Variants in C15orf40 observed in about 807,000 individuals in gnomAD.
C15orf40 encodes chromosome 15 open reading frame 40.
A neutral mutation model predicts 13.9 loss-of-function variants in C15orf40; 9 were observed. The observed-to-expected ratio is 0.65, with a 90% CI of 0.39 to 1.13. The LOEUF (loss-of-function observed/expected upper bound fraction) is 1.13. Among genes scored for constraint, C15orf40 ranks in the 50% most tolerant of loss-of-function variants. The probability of loss-of-function intolerance (pLI) is 0.01; values close to 1 mark genes in which losing one functional copy is unlikely to be tolerated. For missense variants in C15orf40, 225 were observed against 188.5 expected, an observed-to-expected ratio of 1.19 and a Z score of -1.13; for synonymous variants, 95 against 69.2, an observed-to-expected ratio of 1.37 and a Z score of -1.85.
chr15:83,001,285 T>C lies in C15orf40; in HGVS notation c.*4312A>G. ...TCCCAGGATCTGTCGAAGTACAGCA[T>C]AGGCAAACCACCTAGCAGTGTCTGT... On this transcript the variant is annotated 3_prime_UTR_variant, in exon 4 of 4. Transcript: ENST00000304177. 1.0e-6 allele frequency: 1 copy of C among 985,496 alleles called. No individual in the cohort carries two copies. Among genetic ancestry groups the C allele is most frequent in the Non-Finnish European group, 1.2e-6 (1 of 829,944 alleles). The allele number at this position is 985,496 out of a possible 1,614,324, so 61.0% of individuals were successfully genotyped here. A position where few individuals can be genotyped will look rare whatever the true frequency, so the allele number is the denominator to read the frequency against.
rs1364619583 is a variant in C15orf40 at position 82,999,699 on chromosome 15, C to T, written c.*5898G>A. The T allele has an allele frequency of 6.6e-6, 1 of 152,134 alleles. No individual in the cohort carries two copies. The highest frequency in any genetic ancestry group is 1.5e-5 in the Non-Finnish European group (1 of 68,042). 9.4% of individuals were successfully genotyped at this position (152,134 alleles called of 1,614,324 possible). On this transcript the variant is annotated 3_prime_UTR_variant, in exon 4 of 4. Coordinates refer to ENST00000304177, the MANE Select transcript of C15orf40 (RefSeq NM_144597.3). ...TAGGCATCTCTGGGGAAACCTAAGGCTTTGAAACAGTTTGAACGTCACTGC... is the reference window on the plus strand; with the variant it reads ...TAGGCATCTCTGGGGAAACCTAAGGTTTTGAAACAGTTTGAACGTCACTGC...
rs1338762235 is a variant in C15orf40, at chr15:82,994,947, A to AT, written c.*10649dup. On this transcript the variant is annotated 3_prime_UTR_variant, in exon 4 of 4. Coordinates refer to ENST00000304177, the MANE Select transcript of C15orf40 (RefSeq NM_144597.3). ...ATTGGCAGAAGTGAATATTGTTAAT[A>AT]TTTAGATTAATCATTCAGGATTCAG... 6.6e-6 allele frequency: 1 copy of AT among 152,232 alleles called. No individual in the cohort carries two copies. Among genetic ancestry groups the AT allele is most frequent in the East Asian group, 1.9e-4 (1 of 5,208 alleles). 9.4% of individuals were successfully genotyped at this position (152,232 alleles called of 1,614,324 possible).
chr15:82,991,868 T>C (rs1046431367), downstream of C15orf40: 19 of 1,281,764 alleles, frequency 1.5e-5, no homozygotes, highest in Admixed American at 2.3e-5. Context: ...TTAGTCTAGA[T>C]AGTAATGTCC....
At chr15:83,007,142 T>C (rs1167431194) in intron 3 of C15orf40, among the ~76,000 whole-genome samples, 1 of 152,164 alleles carries the variant, frequency 6.6e-6, no homozygotes, top group Non-Finnish European at 1.5e-5. Context: ...TTAGAAATCA[T>C]TCCCAGGTGA....
rs1460032569 is a variant in C15orf40 at position 83,002,454 on chromosome 15, A to C, written c.*3143T>G. ...TCTCTCTACTTCTTTGCTTCTGAGT[A>C]TGCTGACCCCATTTCCACCTCTAGG... is the stretch of plus-strand genomic sequence containing the variant. On this transcript the variant is annotated 3_prime_UTR_variant, in exon 4 of 4. Coordinates refer to ENST00000304177, the MANE Select transcript of C15orf40 (RefSeq NM_144597.3). 1 of 152,222 alleles carries C rather than the reference A, an allele frequency of 6.6e-6. No homozygotes were observed. The highest frequency in any genetic ancestry group is 1.5e-5 in the Non-Finnish European group (1 of 68,050). The allele number at this position is 152,222 out of a possible 1,614,324, so 9.4% of individuals were successfully genotyped here.
chr15:82,989,304 T>A, downstream of C15orf40: 4 of 908,876 alleles, frequency 4.4e-6, no homozygotes, highest in Non-Finnish European at 6.5e-6. Flanking sequence ...GCATACCTAG[T>A]ACCTAATAAC....
chr15:82,998,819 C>T lies in C15orf40; in HGVS notation c.*6778G>A, dbSNP rs2031269134. On this transcript the variant is annotated 3_prime_UTR_variant, in exon 4 of 4. Coordinates refer to ENST00000304177, the MANE Select transcript of C15orf40 (RefSeq NM_144597.3). The stretch of plus-strand genomic sequence containing the variant: ...CGGCACTTTGGGAGGCCAAGGCAGG[C>T]GGCTGGGAGGTGTAGGTTGTAGTGA... 1 of 79,344 alleles carries T rather than the reference C, an allele frequency of 1.3e-5. No individual in the cohort carries two copies. Among genetic ancestry groups the T allele is most frequent in the Admixed American group, 1.5e-4 (1 of 6,522 alleles). The allele number at this position is 79,344 out of a possible 1,614,324, so 4.9% of individuals were successfully genotyped here.
At chr15:82,989,468 A>G (rs551481951), downstream of C15orf40, among the ~76,000 whole-genome samples, 1 of 152,352 alleles carries the variant, frequency 6.6e-6, no homozygotes, top group South Asian at 2.1e-4. Context: ...TTAAAAACCT[A>G]GAGTTTTCTA....
intron 3 of C15orf40, among the ~76,000 whole-genome samples, chr15:83,006,067 T>C (rs1158656410): frequency 2.0e-5 from 3 of 151,820 alleles, no homozygotes; most frequent in African/African-American, 4.8e-5. Context: ...CCGTCTGTAC[T>C]AAAAATACAA....
chr15:82,990,776 A>G, downstream of C15orf40: 1 of 768,982 alleles, frequency 1.3e-6, no homozygotes. Flanking sequence ...GCAGGTCAAA[A>G]TTCACACATA....
At chr15:83,009,552 T>C (rs1444462444) in intron 2 of C15orf40, among the ~76,000 whole-genome samples, 1 of 152,204 alleles carries the variant, frequency 6.6e-6, no homozygotes, top group Non-Finnish European at 1.5e-5. Flanking sequence ...TTCAAAAGAA[T>C]TTAGAGCAAT....
intron 3 of C15orf40, chr15:83,006,244 A>G (rs920362631): frequency 1.1e-5 from 6 of 535,380 alleles, no homozygotes; most frequent in Non-Finnish European, 1.4e-5. Context: ...AAAAAAAAAA[A>G]TCTAAAAAAT....
chr15:83,011,573 C>T lies in C15orf40; in HGVS notation c.35G>A (p.Arg12Gln). ...GGAGCCCCGAGTATTGGGTGTTGCC[C>T]GAAGGTGCCTCAGCCCGCTGCGGAG... Reference protein sequence around the residue: ...LRLRSGLRHLRATPNTRGSAR... With the variant: ...LRLRSGLRHLQATPNTRGSAR... The change falls in exon 1 of 4, where the codon CGG becomes CAG. Residue 12 changes from arginine to glutamine, a missense_variant. Coordinates refer to ENST00000304177, the MANE Select transcript of C15orf40 (RefSeq NM_144597.3). 4 of 1,603,154 alleles carry T rather than the reference C, an allele frequency of 2.5e-6. No individual in the cohort carries two copies. The highest frequency in any genetic ancestry group is 2.5e-6 in the Non-Finnish European group (3 of 1,177,496).
rs1301032407 is a variant in C15orf40 at position 83,003,523 on chromosome 15, G to A, written c.*2074C>T. On this transcript the variant is annotated 3_prime_UTR_variant, in exon 4 of 4. Transcript: ENST00000304177. ...ACGGCTTTACAGCACACATGGCAAT[G>A]GTCTTGAGAAAGAGTGGGAAAAGCT... 1 of 152,178 alleles carries A rather than the reference G, an allele frequency of 6.6e-6. No individual in the cohort carries two copies. Among genetic ancestry groups the A allele is most frequent in the East Asian group, 1.9e-4 (1 of 5,202 alleles). The allele number at this position is 152,178 out of a possible 1,614,324, so 9.4% of individuals were successfully genotyped here.
Position 83,007,255 on chromosome 15 carries a change from G to A in C15orf40, c.366+1293C>T, listed in dbSNP as rs117518765. Reference sequence around the variant, plus strand: ...AGCAAGCAAGGACAAAGTACTTGACGGAGTCCCTCATGGAGATGACTAACA... The same window carrying A: ...AGCAAGCAAGGACAAAGTACTTGACAGAGTCCCTCATGGAGATGACTAACA... On this transcript the variant is annotated intron_variant, in intron 3 of 3. Coordinates refer to ENST00000304177, the MANE Select transcript of C15orf40 (RefSeq NM_144597.3). Among the ~76,000 whole-genome samples the A allele has an allele frequency of 6.3e-3, 953 of 152,292 alleles. 10 individuals carry two copies. Among genetic ancestry groups the A allele is most frequent in the Admixed American group, 0.019 (287 of 15,290 alleles).
Position 83,011,573 on chromosome 15 carries a change from C to A in C15orf40, c.35G>T (p.Arg12Leu). The stretch of plus-strand genomic sequence containing the variant: ...GGAGCCCCGAGTATTGGGTGTTGCC[C>A]GAAGGTGCCTCAGCCCGCTGCGGAG... ...LRLRSGLRHL[R>L]ATPNTRGSAR... The change falls in exon 1 of 4, where the codon CGG becomes CTG. Residue 12 changes from arginine (R) to leucine (L), a missense_variant. Transcript: ENST00000304177. 1 of 1,603,152 alleles carries A rather than the reference C, an allele frequency of 6.2e-7. No individual in the cohort carries two copies. The highest frequency in any genetic ancestry group is 2.2e-5 in the East Asian group (1 of 44,492).
In C15orf40 at chr15:83,004,275, T is replaced by C. The variant is rs193146032; in HGVS notation, c.*1322A>G. ...ACAGGCGTGAGCCACCAAGCCCAGC[T>C]ACCATCAGCAATTTTTATTATTGTT... On this transcript the variant is annotated 3_prime_UTR_variant, in exon 4 of 4. Transcript: ENST00000304177. 312 of 977,136 alleles carry C rather than the reference T, an allele frequency of 3.2e-4. 1 individual carries two copies. In the African/African-American group the frequency reaches 5.2e-3, roughly 16 times the overall value. 60.5% of individuals were successfully genotyped at this position (977,136 alleles called of 1,614,324 possible).
Position 83,004,471 on chromosome 15 carries a change from A to G in C15orf40, c.*1126T>C. ...TGACCTGAAGATGTAAAAATATATT[A>G]TTAGCTTTTGAAACTTTAATATAGA... On this transcript the variant is annotated 3_prime_UTR_variant, in exon 4 of 4. Coordinates refer to ENST00000304177, the MANE Select transcript of C15orf40 (RefSeq NM_144597.3). 1 of 823,066 alleles carries G rather than the reference A, an allele frequency of 1.2e-6. No individual in the cohort carries two copies. Among genetic ancestry groups the G allele is most frequent in the Non-Finnish European group, 1.5e-6 (1 of 682,020 alleles). The allele number at this position is 823,066 out of a possible 1,614,324, so 51.0% of individuals were successfully genotyped here. A position where few individuals can be genotyped will look rare whatever the true frequency, so the allele number is the denominator to read the frequency against.
chr15:82,997,698 G>A lies in C15orf40; in HGVS notation c.*7899C>T, dbSNP rs1270049068. 5.7e-5 allele frequency: 11 copies of A among 192,880 alleles called. No individual in the cohort carries two copies. Among genetic ancestry groups the A allele is most frequent in the East Asian group, 5.3e-4 (3 of 5,658 alleles). 11.9% of individuals were successfully genotyped at this position (192,880 alleles called of 1,614,324 possible). A position where few individuals can be genotyped will look rare whatever the true frequency, so the allele number is the denominator to read the frequency against. ...AAAGCCGCCATTGTCATCCTGGCCC[G>A]TTCTCAATGAGCTGTTGGGCACACC... On this transcript the variant is annotated 3_prime_UTR_variant, in exon 4 of 4. Transcript: ENST00000304177.
Sources: gnomAD v4.1 joint callset for allele counts (sites outside exome capture counted in the v4.1 genomes callset) on GRCh38, gnomAD v4.1.1 for gene constraint, MANE v1.5 for transcripts, NCBI Gene and HGNC (gene_info 2026-07-23, HGNC 2026-07-21) for gene names.